Variants in VIPR2 observed in about 807,000 individuals in gnomAD.
VIPR2 encodes vasoactive intestinal peptide receptor 2, also known as vasoactive intestinal polypeptide receptor 2.
A neutral mutation model predicts 58.0 loss-of-function variants in VIPR2; 48 were observed. That is an observed-to-expected ratio of 0.83 (90% CI 0.66 to 1.05). The LOEUF is 1.05. Ranked by LOEUF, VIPR2 falls within the 50% of genes least tolerant of loss-of-function variation. The pLI, the probability that VIPR2 is intolerant of heterozygous loss-of-function variation, is 0.00. For synonymous variants in VIPR2, 243 were observed against 235.2 expected (o/e 1.03, Z -0.30); for missense variants, 534 against 558.0 (o/e 0.96, Z 0.43).
chr7:159,030,445 G>T lies in VIPR2; in HGVS notation c.*171C>A. 1 of 674,500 alleles carries T rather than the reference G, an allele frequency of 1.5e-6. No individual in the cohort carries two copies. The highest frequency in any genetic ancestry group is 2.3e-6 in the Non-Finnish European group (1 of 442,036). 41.8% of individuals were successfully genotyped at this position (674,500 alleles called of 1,614,324 possible). ...GTTTAAATCGAGTCAATGACAACAC[G>T]ACTCCAATTCCAGGTATGGGGTTTA... On this transcript the variant is annotated 3_prime_UTR_variant, in exon 13 of 13. Transcript: ENST00000262178.
At chr7:159,061,824 C>G (rs767397106) in intron 4 of VIPR2, among the ~76,000 whole-genome samples, 39 of 152,068 alleles carry the variant, frequency 2.6e-4, no homozygotes, top group Non-Finnish European at 4.1e-4. Context: ...CGAGCCGCGG[C>G]GGAGTACCGG....
At chr7:159,103,944 T>A in intron 3 of VIPR2, 90 bp from the exon 4 acceptor site, 3 of 1,137,892 alleles carry the variant, frequency 2.6e-6, no homozygotes, top group Non-Finnish European at 3.9e-6. Flanking sequence ...CGTGCTCTAT[T>A]AAAATGCTTC....
chr7:159,034,762 A>T (rs1563256245), intron 8 of VIPR2, 112 bp from the exon 9 acceptor site: 3 of 807,032 alleles, frequency 3.7e-6, no homozygotes, highest in Non-Finnish European at 6.5e-6. Flanking sequence ...CCGTGGAAGC[A>T]CAATTTCTCT....
intron 5 of VIPR2, among the ~76,000 whole-genome samples, chr7:159,049,269 C>T (rs549356438): frequency 4.6e-5 from 7 of 152,242 alleles, no homozygotes; most frequent in African/African-American, 1.7e-4. Context: ...GGAACACACC[C>T]TAAAGAGGAC....
chr7:159,093,066 C>T lies in VIPR2; in HGVS notation c.357+10691G>A, dbSNP rs1313075508. On this transcript the variant is annotated intron_variant, in intron 4 of 12. Coordinates refer to ENST00000262178, the MANE Select transcript of VIPR2 (RefSeq NM_003382.5). This position sits in a 1 kb window ranked among gnomAD's most constrained non-coding sequence, Gnocchi z 6.7. ...AAGCCATCCACTTCTGCACTGGTGC[C>T]GTCCACTCAGAGAACCCGTCTAGCA... Among the ~76,000 whole-genome samples, 4 of 152,198 alleles carry T rather than the reference C, an allele frequency of 2.6e-5. No individual in the cohort carries two copies. Among genetic ancestry groups the T allele is most frequent in the South Asian group, 2.1e-4 (1 of 4,812 alleles).
At position 159,029,887 on chromosome 7, in the gene VIPR2, C is replaced by T. The variant is rs555289135; in HGVS notation, c.*729G>A. ...TGCCCTCCTGTTGATTTCTCCTGGT[C>T]CTAACGTCAGGGGGGCCCTGACTGG... On this transcript the variant is annotated 3_prime_UTR_variant, in exon 13 of 13. Coordinates refer to ENST00000262178, the MANE Select transcript of VIPR2 (RefSeq NM_003382.5). 1 of 152,370 alleles carries T rather than the reference C, an allele frequency of 6.6e-6. No individual in the cohort carries two copies. Among genetic ancestry groups the T allele is most frequent in the Non-Finnish European group, 1.5e-5 (1 of 68,188 alleles). 9.4% of individuals were successfully genotyped at this position (152,370 alleles called of 1,614,324 possible).
intron 3 of VIPR2, among the ~76,000 whole-genome samples, chr7:159,107,490 G>A (rs1563334635): frequency 6.6e-6 from 1 of 152,296 alleles, no homozygotes; most frequent in East Asian, 1.9e-4. Flanking sequence ...AGGGGATGGG[G>A]GCAGGAAATG....
intron 2 of VIPR2, chr7:159,117,494 C>A: frequency 1.4e-6 from 1 of 698,476 alleles, no homozygotes; most frequent in Non-Finnish European, 2.7e-6. Flanking sequence ...AGAGGTGGGG[C>A]TGCACCTGCT....
rs1010723214 is a variant in VIPR2, at chr7:159,071,640, A to G, written c.358-13062T>C. 3.9e-5 allele frequency among the ~76,000 whole-genome samples: 6 copies of G among 152,366 alleles called. No individual in the cohort carries two copies. The East Asian group carries it at 1.2e-3, about 29-fold the overall frequency. ...TCAGAAAGACTGTTCACAGGAGAAC[A>G]GGTGCAAAGAGTTTTCTCTTTAACT... On this transcript the variant is annotated intron_variant, in intron 4 of 12. Transcript: ENST00000262178.
At chr7:159,038,045 C>CT (rs1050218283) in intron 6 of VIPR2, among the ~76,000 whole-genome samples, 1 of 152,036 alleles carries the variant, frequency 6.6e-6, no homozygotes, top group African/African-American at 2.4e-5. Context: ...GGTGAATATA[C>CT]TTTTTTATAT....
chr7:159,068,959 C>A (rs1301927312), intron 4 of VIPR2, among the ~76,000 whole-genome samples: 2 of 152,196 alleles, frequency 1.3e-5, no homozygotes, highest in African/African-American at 4.8e-5. Flanking sequence ...AGAAAGAGAA[C>A]TGCACAGGAA....
At chr7:159,122,870 T>A (rs761107137) in intron 2 of VIPR2, among the ~76,000 whole-genome samples, 1 of 152,178 alleles carries the variant, frequency 6.6e-6, no homozygotes, top group South Asian at 2.1e-4. Flanking sequence ...GGTTCTGGGG[T>A]ACATGTGCAG....
intron 2 of VIPR2, among the ~76,000 whole-genome samples, chr7:159,132,893 C>T (rs10275862): frequency 0.06 from 1,369 of 22,910 alleles, 24 homozygotes; most frequent in East Asian, 0.12. Flanking sequence ...AGATTGATTT[C>T]AGACAGAATG....
At chr7:159,079,587 G>C (rs1035504194) in intron 4 of VIPR2, among the ~76,000 whole-genome samples, 2 of 152,152 alleles carry the variant, frequency 1.3e-5, no homozygotes, top group African/African-American at 4.8e-5. Context: ...ACATTCAAAA[G>C]CTAGCAGAAG....
intron 2 of VIPR2, among the ~76,000 whole-genome samples, chr7:159,125,005 A>C (rs1796602016): frequency 6.6e-6 from 1 of 152,182 alleles, no homozygotes; most frequent in South Asian, 2.1e-4. Flanking sequence ...AACTTTGCTG[A>C]AGTTGTTTAT....
chr7:159,108,373 T>G (rs1444045422), intron 3 of VIPR2, among the ~76,000 whole-genome samples: 2 of 152,236 alleles, frequency 1.3e-5, no homozygotes, highest in African/African-American at 4.8e-5. Flanking sequence ...TGTCCTCGCA[T>G]AGCTCACGTT....
intron 4 of VIPR2, among the ~76,000 whole-genome samples, chr7:159,060,210 C>T (rs1855563179): frequency 6.6e-6 from 1 of 150,832 alleles, no homozygotes; most frequent in South Asian, 2.1e-4. Context: ...CCACTCTCAA[C>T]TTACCTAATC....
At chr7:159,085,426 G>A (rs1000203087) in intron 4 of VIPR2, among the ~76,000 whole-genome samples, 8 of 152,200 alleles carry the variant, frequency 5.3e-5, no homozygotes, top group African/African-American at 1.9e-4. Flanking sequence ...CTCCTGAGTA[G>A]CTGGAACTAC....
At chr7:159,059,051 A>G (rs1337010369) in intron 4 of VIPR2, among the ~76,000 whole-genome samples, 1 of 152,266 alleles carries the variant, frequency 6.6e-6, no homozygotes, top group African/African-American at 2.4e-5. Flanking sequence ...AGCCAGAGCC[A>G]GCTGCTGAGC....
Sources: gnomAD v4.1 joint callset for allele counts (sites outside exome capture counted in the v4.1 genomes callset) on GRCh38, gnomAD v4.1.1 for gene constraint, Gnocchi (gnomAD v3.1) non-coding constraint, MANE v1.5 for transcripts, NCBI Gene and HGNC (gene_info 2026-07-23, HGNC 2026-07-21) for gene names.